The following SUPV3L1 variants were observed in gnomAD, a reference collection of about 807,000 sequenced individuals.
The protein encoded by SUPV3L1 is ATP-dependent RNA helicase SUPV3L1, mitochondrial.
Under a neutral mutation model 70.0 loss-of-function variants are expected in SUPV3L1, and 35 were observed. The ratio of observed to expected loss-of-function variants is 0.50; its 90% CI spans 0.38 to 0.66. The LOEUF is 0.66. SUPV3L1 is among the 30% of genes least tolerant of loss of function. The pLI is 0.00. For missense variants in SUPV3L1, 777 were observed against 961.5 expected (o/e 0.81, Z 2.54); for synonymous variants, 364 against 341.9 (o/e 1.06, Z -0.71).
At chr10:69,184,651 A>T (rs996603334) in intron 1 of SUPV3L1, among the ~76,000 whole-genome samples, 1 of 149,156 alleles carries the variant, frequency 6.7e-6, no homozygotes, top group Admixed American at 6.6e-5. Flanking sequence ...ACACACACAC[A>T]CTGTGTGTGT....
At chr10:69,208,055 T>A in intron 14 of SUPV3L1, 114 bp downstream of exon 14, 1 of 1,310,430 alleles carries the variant, frequency 7.6e-7, no homozygotes, top group Non-Finnish European at 1.1e-6. Context: ...TGCTCTATAT[T>A]ATGTCTATTG....
chr10:69,206,403 G>A lies in SUPV3L1; in HGVS notation c.1777-1390G>A, dbSNP rs181047661. 7.0e-3 allele frequency among the ~76,000 whole-genome samples: 1,071 copies of A among 152,298 alleles called. 11 individuals are homozygous for A. Among genetic ancestry groups the A allele is most frequent in the African/African-American group, 0.024 (1,014 of 41,566 alleles). ...TCAGGAAATGAATCATTTGAAATCA[G>A]CTTGAATCTTGAAGCTGAAGATTTT... On this transcript the variant is annotated intron_variant, in intron 13 of 14. Coordinates refer to ENST00000359655, the MANE Select transcript of SUPV3L1 (RefSeq NM_003171.5).
At position 69,200,430 on chromosome 10, in the gene SUPV3L1, T is replaced by C. The variant is rs373116717; in HGVS notation, c.1449T>C (p.Val483=). 158 of 1,614,030 alleles carry C rather than the reference T, an allele frequency of 9.8e-5. No homozygotes were observed. Among genetic ancestry groups the C allele is most frequent in the Non-Finnish European group, 1.3e-4 (150 of 1,180,044 alleles). Residue 483 remains valine, a synonymous_variant, in exon 11 of 15, where the codon GTT becomes GTC. Coordinates refer to ENST00000359655, the MANE Select transcript of SUPV3L1 (RefSeq NM_003171.5). The part of the protein sequence containing the change: ...RFSSRFKEGE[V]TTMNHEDLSL... The stretch of plus-strand genomic sequence containing the variant: ...GCTCACGGTTTAAAGAAGGAGAGGT[T>C]ACAACAATGAATCATGAAGATCTCA...
intron 6 of SUPV3L1, among the ~76,000 whole-genome samples, chr10:69,193,452 GTTTTT>G (rs11321429): frequency 7.6e-6 from 1 of 131,092 alleles, no homozygotes. Flanking sequence ...TCACGAAGTA[GTTTTT>G]TTTTTTTTTT....
At chr10:69,188,867 C>G (rs1842309105) in intron 4 of SUPV3L1, among the ~76,000 whole-genome samples, 1 of 151,862 alleles carries the variant, frequency 6.6e-6, no homozygotes, top group South Asian at 2.1e-4. Context: ...GTAGAAGACT[C>G]TGTTATTATA....
intron 1 of SUPV3L1, among the ~76,000 whole-genome samples, chr10:69,180,821 C>T (rs1399145174): frequency 6.6e-6 from 1 of 152,208 alleles, no homozygotes; most frequent in Non-Finnish European, 1.5e-5. Flanking sequence ...TTTAGACACT[C>T]ATGTGTTGGG....
At position 69,186,046 on chromosome 10, in the gene SUPV3L1, G is replaced by T. The variant is rs1320017525; in HGVS notation, c.331G>T (p.Ala111Ser). The T allele has an allele frequency of 1.2e-6, 2 of 1,613,754 alleles. No homozygotes were observed. Among genetic ancestry groups the T allele is most frequent in the South Asian group, 1.1e-5 (1 of 91,068 alleles). Residue 111 changes from alanine to serine, a missense_variant, in exon 2 of 15, where the codon GCT becomes TCT. By Grantham distance (99) the Ala-to-Ser change is moderately conservative. Around this residue, in one of 2 missense-constraint regions of SUPV3L1, gnomAD observed 619 missense variants for 823.3 expected, o/e 0.75. Transcript: ENST00000359655. The part of the protein sequence containing the change: ...YKRKEIQKLG[A>S]DYGLDARLFH... ...GAGGAAAGAAATTCAGAAACTGGGT[G>T]CTGATTATGGACTTGATGGTAAGGC...
chr10:69,202,256 A>G (rs546593867), intron 11 of SUPV3L1, among the ~76,000 whole-genome samples, 183 bp from the exon 12 acceptor site: 28 of 152,222 alleles, frequency 1.8e-4, no homozygotes, highest in African/African-American at 6.5e-4. Context: ...TAAATCATCA[A>G]CTTTTCTAAT....
At position 69,197,051 on chromosome 10, in the gene SUPV3L1, G is replaced by C. The variant is rs1842560540; in HGVS notation, c.991G>C (p.Glu331Gln). ...ACCTGCTGCTATTGACCTGGTGATG[G>C]AGCTTATGTACACAACGGGGGAGGA... ...GEPAAIDLVM[E>Q]LMYTTGEEVE... Residue 331 changes from glutamate to glutamine, a missense_variant, in exon 8 of 15, where the codon GAG becomes CAG. Physicochemically the swap from Glu to Gln is conservative, Grantham distance 29. This residue lies in a region of SUPV3L1 where 619 missense variants were observed against 823.3 expected (regional missense o/e 0.75). Coordinates refer to ENST00000359655, the MANE Select transcript of SUPV3L1 (RefSeq NM_003171.5). 1 of 1,614,124 alleles carries C rather than the reference G, an allele frequency of 6.2e-7. No homozygotes were observed. Among genetic ancestry groups the C allele is most frequent in the Non-Finnish European group, 8.5e-7 (1 of 1,180,004 alleles).
At chr10:69,196,592 G>A (rs1275637640) in intron 7 of SUPV3L1, among the ~76,000 whole-genome samples, 1 of 151,912 alleles carries the variant, frequency 6.6e-6, no homozygotes, top group Non-Finnish European at 1.5e-5. Flanking sequence ...GGATCTGCTC[G>A]GGGATAAGGA....
At position 69,208,870 on chromosome 10, in the gene SUPV3L1, C is replaced by T. The variant is rs148243681; in HGVS notation, c.2196C>T (p.Ser732=). 20 of 1,614,064 alleles carry T rather than the reference C, an allele frequency of 1.2e-5. No homozygotes were observed. In the Middle Eastern group the frequency reaches 4.9e-4, roughly 40 times the overall value. The part of the protein sequence containing the change: ...EPPSPDAGEL[S]LASRLVQQGL... Reference sequence around the variant, plus strand: ...CCAGCCCCGATGCAGGAGAGCTGTCCCTTGCTTCCAGATTGGTGCAGCAAG... The same window carrying T: ...CCAGCCCCGATGCAGGAGAGCTGTCTCTTGCTTCCAGATTGGTGCAGCAAG... Residue 732 remains serine (S), a synonymous_variant, in exon 15 of 15, where the codon TCC becomes TCT. Transcript: ENST00000359655.
chr10:69,188,796 G>T (rs535821204), intron 4 of SUPV3L1, among the ~76,000 whole-genome samples: 1 of 152,126 alleles, frequency 6.6e-6, no homozygotes, highest in African/African-American at 2.4e-5. Context: ...ACCATGCCTC[G>T]CCTGTACTTG....
intron 11 of SUPV3L1, among the ~76,000 whole-genome samples, chr10:69,201,008 T>C (rs1270251350): frequency 6.6e-6 from 1 of 152,214 alleles, no homozygotes; most frequent in African/African-American, 2.4e-5. Context: ...AGTCAAAATT[T>C]AAAGTTCCCT....
At chr10:69,190,082 T>C (rs1443548723) in intron 5 of SUPV3L1, among the ~76,000 whole-genome samples, 1 of 152,230 alleles carries the variant, frequency 6.6e-6, no homozygotes, top group African/African-American at 2.4e-5. Context: ...ACAAATAAGC[T>C]TGAACCTATT....
chr10:69,186,329 AAAAAAAAAAAAAAAAG>A (rs1842229622), intron 2 of SUPV3L1, 98 bp from the exon 3 acceptor site: 2 of 622,402 alleles, frequency 3.2e-6, no homozygotes, highest in Non-Finnish European at 5.1e-6. Context: ...TACTGCCAAA[AAAAAAAAAAAAAAAAG>A]AAAAAAAAAG....
Position 69,180,284 on chromosome 10 carries a change from C to T in SUPV3L1, c.-8C>T, listed in dbSNP as rs762595212. ...GCTGCGCCAGACAGTGTAGAACCTG[C>T]GGCCTCGATGTCCTTCTCCCGTGCC... On this transcript the variant is annotated 5_prime_UTR_variant, in exon 1 of 15. Coordinates refer to ENST00000359655, the MANE Select transcript of SUPV3L1 (RefSeq NM_003171.5). 6.2e-7 allele frequency: 1 copy of T among 1,612,166 alleles called. No homozygotes were observed. The highest frequency in any genetic ancestry group is 8.5e-7 in the Non-Finnish European group (1 of 1,179,362).
chr10:69,200,552 C>T, intron 11 of SUPV3L1, 53 bp downstream of exon 11: 4 of 1,434,492 alleles, frequency 2.8e-6, no homozygotes, highest in Non-Finnish European at 3.9e-6. Flanking sequence ...GTCATTCTTT[C>T]CCTCACCCAC....
At chr10:69,181,127 A>G (rs1842045197) in intron 1 of SUPV3L1, among the ~76,000 whole-genome samples, 1 of 152,182 alleles carries the variant, frequency 6.6e-6, no homozygotes, top group Non-Finnish European at 1.5e-5. Flanking sequence ...GGTCTAGAAC[A>G]AGGTAGGGTG....
Position 69,195,207 on chromosome 10 carries a change from T to A in SUPV3L1, c.873T>A (p.Asp291Glu). ...VTTPYEVAVIDEIQMIRDPAR... is the reference protein window; with the variant it reads ...VTTPYEVAVIEEIQMIRDPAR... ...TTTAAGATGAAGTGGCTGTAATTGA[T>A]GAAATTCAAATGATTAGAGATCCAG... is the stretch of plus-strand genomic sequence containing the variant. Residue 291 changes from aspartate to glutamate, a missense_variant, in exon 7 of 15, where the codon GAT becomes GAA. By Grantham distance (45) the Asp-to-Glu change is conservative. Around this residue, in one of 2 missense-constraint regions of SUPV3L1, gnomAD observed 619 missense variants for 823.3 expected, o/e 0.75. Transcript: ENST00000359655. 6.2e-7 allele frequency: 1 copy of A among 1,612,594 alleles called. No homozygotes were observed. The highest frequency in any genetic ancestry group is 8.5e-7 in the Non-Finnish European group (1 of 1,179,398).
Sources: allele counts gnomAD v4.1 joint callset (sites outside exome capture counted in the v4.1 genomes callset), GRCh38; gene constraint gnomAD v4.1.1; regional missense constraint gnomAD v4.1.1; transcripts MANE v1.5; gene names NCBI Gene and HGNC (gene_info 2026-07-23, HGNC 2026-07-21).